The following ZSCAN21 variants were observed in gnomAD, a reference collection of about 807,000 sequenced individuals.
ZSCAN21 encodes the protein zinc finger and SCAN domain containing 21.
Under a neutral mutation model 35.6 loss-of-function variants are expected in ZSCAN21, and 26 were observed. The observed-to-expected ratio is 0.73, with a 90% confidence interval of 0.54 to 1.01. ZSCAN21 has a LOEUF of 1.01. Among genes scored for constraint, ZSCAN21 ranks in the 50% least tolerant of loss-of-function variants. The pLI is 0.00. For synonymous variants in ZSCAN21, 219 were observed against 219.3 expected (o/e 1.00, Z 0.01); for missense variants, 593 against 587.1 (o/e 1.01, Z -0.10).
intron 3 of ZSCAN21, among the ~76,000 whole-genome samples, chr7:100,059,118 T>G (rs1226237087): frequency 6.6e-6 from 1 of 152,212 alleles, no homozygotes; most frequent in Non-Finnish European, 1.5e-5. Flanking sequence ...TGGTGTGATT[T>G]CATGACAAGA....
chr7:100,050,378 TAAAG>T (rs1334612958), intron 1 of ZSCAN21, among the ~76,000 whole-genome samples: 1 of 152,102 alleles, frequency 6.6e-6, no homozygotes, highest in Non-Finnish European at 1.5e-5. Flanking sequence ...AAAACAGTCT[TAAAG>T]AACCATGTAT....
intron 1 of ZSCAN21, among the ~76,000 whole-genome samples, chr7:100,052,371 G>T (rs779727250): frequency 6.6e-6 from 1 of 151,998 alleles, no homozygotes; most frequent in African/African-American, 2.4e-5. Context: ...CAAGACTTCC[G>T]TGAGCTGTGA....
chr7:100,053,265 A>G (rs967431663), intron 1 of ZSCAN21, among the ~76,000 whole-genome samples: 9 of 152,062 alleles, frequency 5.9e-5, no homozygotes, highest in African/African-American at 2.2e-4. Flanking sequence ...ATCCAGTGGC[A>G]TCTGTGAATT....
In ZSCAN21 at chr7:100,056,999, G is replaced by T; in HGVS notation, c.-8G>T. 6.3e-7 allele frequency: 1 copy of T among 1,576,102 alleles called. No individual in the cohort carries two copies. The highest frequency in any genetic ancestry group is 1.2e-5 in the South Asian group (1 of 86,806). The stretch of plus-strand genomic sequence containing the variant: ...CCCATCTTTGGTGAGGCTGTTTCTG[G>T]AGTTTACATGATGACCAAGGTACTA... On this transcript the variant is annotated 5_prime_UTR_variant, in exon 2 of 4. Transcript: ENST00000292450.
At chr7:100,052,757 C>T (rs913225265) in intron 1 of ZSCAN21, among the ~76,000 whole-genome samples, 3 of 149,942 alleles carry the variant, frequency 2.0e-5, no homozygotes, top group Non-Finnish European at 4.5e-5. Context: ...AGAGTGAGTG[C>T]AGGAAGGAGG....
rs573133494 is a variant in ZSCAN21 at position 100,049,813 on chromosome 7, C to G, written c.-125C>G. 2 of 152,452 alleles carry G rather than the reference C, an allele frequency of 1.3e-5. No individual in the cohort carries two copies. Among genetic ancestry groups the G allele is most frequent in the Admixed American group, 6.5e-5 (1 of 15,306 alleles). The allele number at this position is 152,452 out of a possible 1,614,324, so 9.4% of individuals were successfully genotyped here. A position where few individuals can be genotyped will look rare whatever the true frequency, so the allele number is the denominator to read the frequency against. On this transcript the variant is annotated 5_prime_UTR_variant, in exon 1 of 4. Coordinates refer to ENST00000292450, the MANE Select transcript of ZSCAN21 (RefSeq NM_145914.3). Reference sequence around the variant, plus strand: ...GGTCCCGAGGTACGCGGTGCGGTCTCCCGGTACCCGGAGCGGCTCTGATTC... The same window carrying G: ...GGTCCCGAGGTACGCGGTGCGGTCTGCCGGTACCCGGAGCGGCTCTGATTC...
chr7:100,064,998 C>T lies in ZSCAN21; in HGVS notation c.*381C>T. 1 of 1,531,938 alleles carries T rather than the reference C, an allele frequency of 6.5e-7. No homozygotes were observed. The highest frequency in any genetic ancestry group is 8.9e-7 in the Non-Finnish European group (1 of 1,119,176). 94.9% of individuals were successfully genotyped at this position (1,531,938 alleles called of 1,614,324 possible). A position where few individuals can be genotyped will look rare whatever the true frequency, so the allele number is the denominator to read the frequency against. ...TTGTAAAGAATTGAGCCACATTGAA[C>T]ACAATTGAATGAGATTCAGAATAAA... On this transcript the variant is annotated 3_prime_UTR_variant, in exon 4 of 4. Coordinates refer to ENST00000292450, the MANE Select transcript of ZSCAN21 (RefSeq NM_145914.3).
rs371829730 is a variant in ZSCAN21 at position 100,056,936 on chromosome 7, G to A, written c.-71G>A. The A allele has an allele frequency of 1.0e-5, 15 of 1,457,766 alleles. No individual in the cohort carries two copies. In the African/African-American group the frequency reaches 2.0e-4, roughly 19 times the overall value. 90.3% of individuals were successfully genotyped at this position (1,457,766 alleles called of 1,614,324 possible). ...GTTTAACTTGTGGCCCTAAAGAACT[G>A]GAAACCCAAAGGAACGAATATTCCT... is the stretch of plus-strand genomic sequence containing the variant. On this transcript the variant is annotated 5_prime_UTR_variant, in exon 2 of 4. Transcript: ENST00000292450.
At chr7:100,055,843 C>T (rs1792054947) in intron 1 of ZSCAN21, among the ~76,000 whole-genome samples, 1 of 151,320 alleles carries the variant, frequency 6.6e-6, no homozygotes, top group Non-Finnish European at 1.5e-5. Flanking sequence ...AGGGTTTCAC[C>T]ATGTTAGCCA....
chr7:100,057,483 A>AT, intron 2 of ZSCAN21, 78 bp downstream of exon 2: 2 of 1,482,524 alleles, frequency 1.3e-6, no homozygotes, highest in Non-Finnish European at 1.8e-6. Context: ...TTGTCCATAC[A>AT]TTAAGATTTG....
At chr7:100,052,124 A>G (rs1216282248) in intron 1 of ZSCAN21, among the ~76,000 whole-genome samples, 1 of 152,018 alleles carries the variant, frequency 6.6e-6, no homozygotes, top group African/African-American at 2.4e-5. Flanking sequence ...AGATGTGGTG[A>G]TGCACACCTG....
chr7:100,060,816 C>T (rs1050255594), intron 3 of ZSCAN21, among the ~76,000 whole-genome samples: 5 of 148,142 alleles, frequency 3.4e-5, no homozygotes, highest in South Asian at 2.1e-4. Flanking sequence ...GTCAAGATCG[C>T]GCCACTGCAC....
intron 1 of ZSCAN21, among the ~76,000 whole-genome samples, chr7:100,056,481 T>C (rs867494002): frequency 6.6e-6 from 1 of 151,944 alleles, no homozygotes; most frequent in African/African-American, 2.4e-5. Context: ...TTTTTTTTTT[T>C]AGAGATGGAA....
chr7:100,060,567 TAAA>T (rs990703959), intron 3 of ZSCAN21, among the ~76,000 whole-genome samples: 1 of 112,718 alleles, frequency 8.9e-6, no homozygotes, highest in East Asian at 2.6e-4. Flanking sequence ...TCTCAAAAAA[TAAA>T]AAAAAAACCA....
In ZSCAN21 at chr7:100,057,843, A is replaced by C; in HGVS notation, c.545A>C (p.Glu182Ala). Residue 182 changes from glutamate (E) to alanine (A), a missense_variant, in exon 3 of 4, where the codon GAG (glutamate) becomes GCG (alanine). Physicochemically the swap from Glu to Ala is moderately radical, Grantham distance 107. Coordinates refer to ENST00000292450, the MANE Select transcript of ZSCAN21 (RefSeq NM_145914.3). ...TCTTGGGGGCCCCTGTACATCCAAGAGTCTGGTGAGGAGCAGGAGTTCGCT... is the reference window on the plus strand; with the variant it reads ...TCTTGGGGGCCCCTGTACATCCAAGCGTCTGGTGAGGAGCAGGAGTTCGCT... ...YESWGPLYIQ[E>A]SGEEQEFAQD... The C allele has an allele frequency of 6.2e-7, 1 of 1,613,684 alleles. No homozygotes were observed. Among genetic ancestry groups the C allele is most frequent in the African/African-American group, 1.3e-5 (1 of 75,000 alleles).
rs868192226 is a variant in ZSCAN21, at chr7:100,064,515, G to A, written c.1320G>A (p.Gly440=). The change falls in exon 4 of 4, where the codon GGG becomes GGA. Residue 440 remains glycine, a synonymous_variant. Transcript: ENST00000292450. ...NFNKHHRIHT[G]EKPYWCHHCG... ...ATAAACACCACAGAATCCACACCGG[G>A]GAAAAGCCCTACTGGTGTCATCACT... 6.2e-7 allele frequency: 1 copy of A among 1,614,050 alleles called. No individual in the cohort carries two copies. Among genetic ancestry groups the A allele is most frequent in the African/African-American group, 1.3e-5 (1 of 75,002 alleles).
chr7:100,050,779 A>T (rs1052501906), intron 1 of ZSCAN21, among the ~76,000 whole-genome samples: 1 of 152,192 alleles, frequency 6.6e-6, no homozygotes. Flanking sequence ...TGTGGAGAGG[A>T]AAAGAATTAA....
At chr7:100,056,517 T>C (rs988711276) in intron 1 of ZSCAN21, among the ~76,000 whole-genome samples, 2 of 151,978 alleles carry the variant, frequency 1.3e-5, no homozygotes, top group Admixed American at 1.3e-4. Context: ...CAGGCTGGAA[T>C]GCAGTGGCGC....
In ZSCAN21 at chr7:100,050,605, G is replaced by A. The variant is rs546097812; in HGVS notation, c.-97+764G>A. On this transcript the variant is annotated intron_variant, in intron 1 of 3. Coordinates refer to ENST00000292450, the MANE Select transcript of ZSCAN21 (RefSeq NM_145914.3). The stretch of plus-strand genomic sequence containing the variant: ...CCCAGCTACTCAGGAGGCTGAGGCA[G>A]GAGAATCGCTTGAACCCACCAGGTG... Among the ~76,000 whole-genome samples the A allele has an allele frequency of 9.2e-5, 14 of 152,198 alleles. No individual in the cohort carries two copies. The South Asian group carries it at 2.9e-3, about 32-fold the overall frequency.
Sources: gnomAD v4.1 joint callset for allele counts (sites outside exome capture counted in the v4.1 genomes callset) on GRCh38, gnomAD v4.1.1 for gene constraint, MANE v1.5 for transcripts, NCBI Gene and HGNC (gene_info 2026-07-23, HGNC 2026-07-21) for gene names.